The following PIGN variants were observed in gnomAD, a reference collection of about 807,000 sequenced individuals.
The protein encoded by PIGN is phosphatidylinositol glycan anchor biosynthesis class N.
In PIGN, 117 loss-of-function variants were observed where a neutral mutation model predicts 125.4. That is an observed-to-expected ratio of 0.93 (90% confidence interval 0.80 to 1.09). The LOEUF (loss-of-function observed/expected upper bound fraction) is 1.09, where lower values mean the gene tolerates loss of function less well. PIGN is among the 50% of genes least tolerant of loss of function. The pLI, the probability that PIGN is intolerant of heterozygous loss-of-function variation, is 0.00. For synonymous variants in PIGN, 392 were observed against 377.8 expected, an observed-to-expected ratio of 1.04 and a Z score of -0.44; for missense variants, 1,075 against 1,094.9, an observed-to-expected ratio of 0.98 and a Z score of 0.26.
chr18:62,024,348 G>A (rs918541212), intron 23 of PIGN, among the ~76,000 whole-genome samples: 3 of 152,084 alleles, frequency 2.0e-5, no homozygotes, highest in Non-Finnish European at 4.4e-5. Flanking sequence ...AAAGAGACAC[G>A]GTGCACAGTC....
rs1287655964 is a variant in PIGN at position 62,072,672 on chromosome 18, C to T, written c.2672+1G>A. 1 of 1,604,182 alleles carries T rather than the reference C, an allele frequency of 6.2e-7. No homozygotes were observed. The highest frequency in any genetic ancestry group is 2.2e-5 in the East Asian group (1 of 44,702). On this transcript the variant is annotated splice_donor_variant, in intron 30 of 30. Coordinates refer to ENST00000640252, the MANE Select transcript of PIGN (RefSeq NM_176787.5). LOFTEE classifies it high-confidence loss of function. ...GCAATGCATGACCATATATACTATA[C>T]CTTGTCCCAATATCAAGCCAGCTGC...
chr18:62,114,081 G>C (rs1274092400), intron 15 of PIGN, among the ~76,000 whole-genome samples: 1 of 152,148 alleles, frequency 6.6e-6, no homozygotes, highest in East Asian at 1.9e-4. Context: ...AAAAATGTGG[G>C]CCGGGTGCGG....
At chr18:62,028,083 C>G (rs2030147691) in intron 23 of PIGN, among the ~76,000 whole-genome samples, 1 of 152,196 alleles carries the variant, frequency 6.6e-6, no homozygotes, top group Non-Finnish European at 1.5e-5. Context: ...CTGGGTTCCA[C>G]AATACATGGA....
intron 11 of PIGN, among the ~76,000 whole-genome samples, chr18:62,140,711 CAT>C (rs1370440823): frequency 6.6e-6 from 1 of 152,022 alleles, no homozygotes; most frequent in Non-Finnish European, 1.5e-5. Context: ...AAATGTAAAA[CAT>C]ACTAAAACAA....
intron 14 of PIGN, among the ~76,000 whole-genome samples, chr18:62,132,250 G>A (rs764868693): frequency 6.6e-6 from 1 of 152,074 alleles, no homozygotes; most frequent in African/African-American, 2.4e-5. Context: ...CTGGACTAAA[G>A]AAATAAAGGG....
chr18:62,074,738 C>T (rs1320558907), intron 29 of PIGN, 41 bp downstream of exon 29: 3 of 1,298,636 alleles, frequency 2.3e-6, no homozygotes, highest in African/African-American at 3.0e-5. Context: ...TAACCCAGGA[C>T]TCTTAATCTA....
At chr18:62,135,868 G>A (rs1447118640) in intron 14 of PIGN, 1 of 151,920 alleles carries the variant, frequency 6.6e-6, no homozygotes, top group Non-Finnish European at 1.5e-5. Flanking sequence ...AAAGTGGCTG[G>A]TCTAAAGTAA....
chr18:62,120,114 C>G (rs1440824160), intron 14 of PIGN, among the ~76,000 whole-genome samples: 1 of 151,924 alleles, frequency 6.6e-6, no homozygotes, highest in Non-Finnish European at 1.5e-5. Context: ...TCTACAAACC[C>G]CAAGCAAAAT....
At chr18:62,049,164 C>T (rs1310557624) in intron 30 of PIGN, among the ~76,000 whole-genome samples, 2 of 151,906 alleles carry the variant, frequency 1.3e-5, no homozygotes, top group East Asian at 1.9e-4. Context: ...AATAAACATA[C>T]GTGTGCATGT....
At chr18:62,129,295 T>C (rs371870726) in intron 14 of PIGN, among the ~76,000 whole-genome samples, 3 of 152,318 alleles carry the variant, frequency 2.0e-5, no homozygotes, top group African/African-American at 7.2e-5. Flanking sequence ...ATCACTGCCA[T>C]ACTTTCCCAC....
At chr18:62,167,188 G>GCT (rs148196927) in intron 1 of PIGN, among the ~76,000 whole-genome samples, 40,687 of 147,686 alleles carry the variant, frequency 0.28, 6,592 homozygotes, top group East Asian at 0.57. Flanking sequence ...GAGCAGGAGC[G>GCT]CTCTCTCTCT....
At position 62,041,660 on chromosome 18, in the gene PIGN, T is replaced by G. The variant is rs1411656385; in HGVS notation, c.*4196A>C. 7.1e-6 allele frequency: 1 copy of G among 140,922 alleles called. No homozygotes were observed. The highest frequency in any genetic ancestry group is 2.5e-4 in the South Asian group (1 of 4,070). 8.7% of individuals were successfully genotyped at this position (140,922 alleles called of 1,614,324 possible). A position where few individuals can be genotyped will look rare whatever the true frequency, so the allele number is the denominator to read the frequency against. On this transcript the variant is annotated 3_prime_UTR_variant, in exon 31 of 31. Coordinates refer to ENST00000640252, the MANE Select transcript of PIGN (RefSeq NM_176787.5). Reference sequence around the variant, plus strand: ...CGCCGGGTGTGTGTGTGTGTGTGTGTGTGTGTGTGTGTGTGTGTGTGTGTG... The same window carrying G: ...CGCCGGGTGTGTGTGTGTGTGTGTGGGTGTGTGTGTGTGTGTGTGTGTGTG...
rs186065464 is a variant in PIGN at position 62,092,169 on chromosome 18, C to T, written c.2181-1591G>A. 9.6e-4 allele frequency among the ~76,000 whole-genome samples: 146 copies of T among 152,214 alleles called. 1 individual carries two copies. The highest frequency in any genetic ancestry group is 3.4e-3 in the African/African-American group (142 of 41,546). ...AGGGATATGAACAGATACCTACACA[C>T]ATGAGAAAATATCATGAGTAAAACA... On this transcript the variant is annotated intron_variant, in intron 23 of 30. Transcript: ENST00000640252.
chr18:62,131,825 T>C (rs1230042711), intron 14 of PIGN, among the ~76,000 whole-genome samples: 1 of 152,120 alleles, frequency 6.6e-6, no homozygotes, highest in Admixed American at 6.6e-5. Context: ...CTCATAACTA[T>C]GCTAGAAAAG....
chr18:62,077,336 G>A (rs1427721416), intron 28 of PIGN, among the ~76,000 whole-genome samples: 1 of 152,124 alleles, frequency 6.6e-6, no homozygotes, highest in African/African-American at 2.4e-5. Context: ...TCACACCACT[G>A]CACTCCAGCC....
chr18:62,047,781 GA>G (rs2030860631), intron 30 of PIGN, among the ~76,000 whole-genome samples: 1 of 151,998 alleles, frequency 6.6e-6, no homozygotes, highest in African/African-American at 2.4e-5. Context: ...GGTTTCAAAA[GA>G]AAATCACTCA....
intron 22 of PIGN, among the ~76,000 whole-genome samples, chr18:62,097,570 C>T (rs1206603658): frequency 6.6e-6 from 1 of 151,872 alleles, no homozygotes; most frequent in Non-Finnish European, 1.5e-5. Context: ...CATCCCATTA[C>T]TGGGTATATA....
intron 25 of PIGN, chr18:62,088,429 T>C (rs2146038543): frequency 6.0e-6 from 1 of 165,978 alleles, no homozygotes; most frequent in East Asian, 1.8e-4. Flanking sequence ...TGTGAGAAAT[T>C]CGATTGAAGT....
chr18:62,175,898 T>G (rs2037508826), intron 1 of PIGN, among the ~76,000 whole-genome samples: 1 of 152,154 alleles, frequency 6.6e-6, no homozygotes, highest in South Asian at 2.1e-4. Context: ...GGAAGAGAGC[T>G]AATAAAAAGT....
Sources: gnomAD v4.1 joint callset for allele counts (sites outside exome capture counted in the v4.1 genomes callset) on GRCh38, gnomAD v4.1.1 for gene constraint, MANE v1.5 for transcripts, NCBI Gene and HGNC (gene_info 2026-07-23, HGNC 2026-07-21) for gene names.